The following CBARP variants were observed in gnomAD, a reference collection of about 807,000 sequenced individuals.
CBARP encodes voltage-dependent calcium channel beta subunit-associated regulatory protein.
CBARP carries 24 observed loss-of-function variants against 36.3 expected under a neutral mutation model. That is an observed-to-expected ratio of 0.66 (90% CI 0.48 to 0.93). The LOEUF is 0.93. CBARP is among the 40% of genes least tolerant of loss of function. The pLI is 0.00. For synonymous variants in CBARP, 586 were observed against 453.2 expected (o/e 1.29, Z -3.72); for missense variants, 1,146 against 980.4 (o/e 1.17, Z -2.26).
At position 1,235,349 on chromosome 19, in the gene CBARP, G is replaced by A. The variant is rs1398593457; in HGVS notation, c.310+152C>T. The A allele has an allele frequency of 1.2e-5, 13 of 1,090,778 alleles. No individual in the cohort carries two copies. The Admixed American group carries it at 1.9e-4, about 16-fold the overall frequency. 67.6% of individuals were successfully genotyped at this position (1,090,778 alleles called of 1,614,324 possible). On this transcript the variant is annotated intron_variant, in intron 4 of 9. Transcript: ENST00000650044. The stretch of plus-strand genomic sequence containing the variant: ...CGCCTGGGCCCACCTACGCCTGGGC[G>A]TTAAGGAAACAGAGATGAGTCGGAA...
At position 1,235,810 on chromosome 19, in the gene CBARP, G is replaced by A. The variant is rs1431578925; in HGVS notation, c.214C>T (p.Arg72Cys). 2.5e-6 allele frequency: 4 copies of A among 1,609,596 alleles called. No individual in the cohort carries two copies. Among genetic ancestry groups the A allele is most frequent in the Admixed American group, 3.3e-5 (2 of 60,016 alleles). ...VLSGVLLLCK[R>C]CWDVHQRLNR... ...AGGCGCTGGTGGACGTCCCAGCAGC[G>A]CTTGCAGAGGAGCAGGACGCCAGAC... Residue 72 changes from arginine to cysteine, a missense_variant, in exon 3 of 10, where the codon CGC becomes TGC. Transcript: ENST00000650044.
In CBARP at chr19:1,231,150, A is replaced by G. The variant is rs1405591308; in HGVS notation, c.1105T>C (p.Phe369Leu). The G allele has an allele frequency of 3.7e-6, 6 of 1,600,748 alleles. No individual in the cohort carries two copies. The highest frequency in any genetic ancestry group is 4.3e-6 in the Non-Finnish European group (5 of 1,174,358). ...GCCAGAAAGGGGCGGGGGTGCGGGA[A>G]GGCCACGGCGTCGCCCGCCCGGGCA... ...YIARAGDAVA[F>L]PHPRPFLASP... The change falls in exon 9 of 10, where the codon TTC (phenylalanine) becomes CTC (leucine). Residue 369 changes from phenylalanine to leucine, a missense_variant. By Grantham distance (22) the Phe-to-Leu change is conservative. Transcript: ENST00000650044.
rs1262221736 is a variant in CBARP, at chr19:1,233,540, G to A, written c.865C>T (p.Gln289Ter). Residue 289 changes from glutamine to a stop codon, truncating the protein, a stop_gained, in exon 8 of 10, where the codon CAG becomes TAG. Coordinates refer to ENST00000650044, the MANE Select transcript of CBARP (RefSeq NM_001393918.1). LOFTEE classifies it high-confidence loss of function. ...GPGSGAGTVL[Q>*]FLTRLRRHAS... The stretch of plus-strand genomic sequence containing the variant: ...TGGCGGCGCAGGCGGGTGAGGAACT[G>A]CAGAACGGTACCTGCCCCGGATCCC... 6.2e-7 allele frequency: 1 copy of A among 1,603,984 alleles called. No homozygotes were observed. The highest frequency in any genetic ancestry group is 8.5e-7 in the Non-Finnish European group (1 of 1,175,872).
In CBARP at chr19:1,230,184, C is replaced by T. The variant is rs993650435; in HGVS notation, c.1155-42G>A. The T allele has an allele frequency of 1.3e-5, 13 of 996,468 alleles. No individual in the cohort carries two copies. In the African/African-American group the frequency reaches 1.9e-4, roughly 15 times the overall value. The allele number at this position is 996,468 out of a possible 1,614,324, so 61.7% of individuals were successfully genotyped here. A position where few individuals can be genotyped will look rare whatever the true frequency, so the allele number is the denominator to read the frequency against. ...GCCGTCAGAGCCCCGCCGAGCCCCG[C>T]GCCCCCTACCCGGCCGGCCATCCCG... On this transcript the variant is annotated intron_variant, in intron 9 of 9. Coordinates refer to ENST00000650044, the MANE Select transcript of CBARP (RefSeq NM_001393918.1).
intron 1 of CBARP, among the ~76,000 whole-genome samples, chr19:1,237,020 G>T (rs140823014): frequency 1.2e-3 from 182 of 152,258 alleles, no homozygotes; most frequent in African/African-American, 3.7e-3. Context: ...GACGCTGTGC[G>T]GCGCAGCCGG....
chr19:1,234,952 C>A, intron 5 of CBARP, 49 bp downstream of exon 5: 1 of 1,570,992 alleles, frequency 6.4e-7, no homozygotes, highest in South Asian at 1.1e-5. Context: ...TCCCGGCGGC[C>A]AGGACCTCAG....
Position 1,229,969 on chromosome 19 carries a change from G to T in CBARP, c.1328C>A (p.Ser443Ter). The T allele has an allele frequency of 8.2e-7, 1 of 1,214,730 alleles. No individual in the cohort carries two copies. Among genetic ancestry groups the T allele is most frequent in the Non-Finnish European group, 1.0e-6 (1 of 953,890 alleles). 75.2% of individuals were successfully genotyped at this position (1,214,730 alleles called of 1,614,324 possible). ...CGAGGCGGCCGCATGCAGCTCAAGCGAGGCGCGCAGGCTCCACAGGTCGCG... is the reference window on the plus strand; with the variant it reads ...CGAGGCGGCCGCATGCAGCTCAAGCTAGGCGCGCAGGCTCCACAGGTCGCG... ...SYRDLWSLRA[S>*]LELHAAASDH... The change falls in exon 10 of 10, where the codon TCG becomes TAG. Residue 443 changes from serine (S) to a stop codon, truncating the protein, a stop_gained. Transcript: ENST00000650044. LOFTEE classifies it low-confidence loss of function (END_TRUNC). The surrounding 1 kb of genome is among the most constrained non-coding windows in gnomAD (Gnocchi z 5.1).
Position 1,233,609 on chromosome 19 carries a change from C to A in CBARP, c.796G>T (p.Ala266Ser). ...SLDAGTRSTKAGGPGAAAGPG... is the reference protein window; with the variant it reads ...SLDAGTRSTKSGGPGAAAGPG... ...CCTGCTGCAGCCCCGGGCCCTCCAG[C>A]CTTGGTGCTCCTGGTACCGGCATCC... The change falls in exon 8 of 10, where the codon GCT (alanine) becomes TCT (serine). Residue 266 changes from alanine (A) to serine (S), a missense_variant. Transcript: ENST00000650044. The A allele has an allele frequency of 6.2e-7, 1 of 1,609,704 alleles. No individual in the cohort carries two copies. Among genetic ancestry groups the A allele is most frequent in the Non-Finnish European group, 8.5e-7 (1 of 1,178,736 alleles).
chr19:1,232,673 G>C lies in CBARP; in HGVS notation c.979+753C>G, dbSNP rs1418905781. ...AGAATTGAAGGGCTACTGTCAAACA[G>C]TCCAGGGATCTATGTGCTACAGCCC... On this transcript the variant is annotated intron_variant, in intron 8 of 9. Coordinates refer to ENST00000650044, the MANE Select transcript of CBARP (RefSeq NM_001393918.1). Among the ~76,000 whole-genome samples, 3 of 152,372 alleles carry C rather than the reference G, an allele frequency of 2.0e-5. No individual in the cohort carries two copies. The East Asian group carries it at 5.8e-4, about 29-fold the overall frequency.
At position 1,233,582 on chromosome 19, in the gene CBARP, G is replaced by C; in HGVS notation, c.823C>G (p.Pro275Ala). Reference protein sequence around the residue: ...KAGGPGAAAGPGEAGPGSGAG... With the variant: ...KAGGPGAAAGAGEAGPGSGAG... ...CCGGATCCCGGGCCCGCCTCCCCAG[G>C]CCCTGCTGCAGCCCCGGGCCCTCCA... Residue 275 changes from proline to alanine, a missense_variant, in exon 8 of 10, where the codon CCT becomes GCT. Transcript: ENST00000650044. The C allele has an allele frequency of 1.9e-6, 3 of 1,610,918 alleles. No homozygotes were observed. The highest frequency in any genetic ancestry group is 1.7e-6 in the Non-Finnish European group (2 of 1,179,274).
rs1413322177 is a variant in CBARP, at chr19:1,230,318, A to G, written c.1155-176T>C. 4 of 988,590 alleles carry G rather than the reference A, an allele frequency of 4.0e-6. No individual in the cohort carries two copies. The African/African-American group carries it at 7.0e-5, about 17-fold the overall frequency. The allele number at this position is 988,590 out of a possible 1,614,324, so 61.2% of individuals were successfully genotyped here. Reference sequence around the variant, plus strand: ...GTGTTTTGCAGGGGATGCGTCTTGCATTGACCCTGAGCTGTGGCGCCTGCT... The same window carrying G: ...GTGTTTTGCAGGGGATGCGTCTTGCGTTGACCCTGAGCTGTGGCGCCTGCT... On this transcript the variant is annotated intron_variant, in intron 9 of 9. Transcript: ENST00000650044.
At chr19:1,232,634 G>C (rs529281078) in intron 8 of CBARP, among the ~76,000 whole-genome samples, 46 of 152,330 alleles carry the variant, frequency 3.0e-4, no homozygotes, top group Non-Finnish European at 6.0e-4. Flanking sequence ...GATCCTGCCT[G>C]ACCCAAGGCC....
intron 9 of CBARP, 199 bp downstream of exon 9, chr19:1,230,900 GTC>G: frequency 6.4e-7 from 1 of 1,564,218 alleles, no homozygotes; most frequent in Non-Finnish European, 8.7e-7. Flanking sequence ...CCCTTACCCA[GTC>G]TCTCCCTGCT....
chr19:1,231,287 A>T lies in CBARP; in HGVS notation c.980-12T>A. 6.3e-7 allele frequency: 1 copy of T among 1,597,146 alleles called. No individual in the cohort carries two copies. Among genetic ancestry groups the T allele is most frequent in the East Asian group, 2.2e-5 (1 of 44,778 alleles). On this transcript the variant is annotated splice_polypyrimidine_tract_variant and intron_variant, in intron 8 of 9. Transcript: ENST00000650044. ...CCGCTTGGGGGAACCTGCGCACGGG[A>T]TGTGCCGTAAGCGTCAGCCGGCATG...
At chr19:1,234,167 T>TG in intron 7 of CBARP, 24 bp downstream of exon 7, 1 of 1,491,334 alleles carries the variant, frequency 6.7e-7, no homozygotes, top group Non-Finnish European at 8.9e-7. Flanking sequence ...GTGGACACCA[T>TG]GGGGGACACG....
At position 1,233,620 on chromosome 19, in the gene CBARP, C is replaced by T. The variant is rs1326627076; in HGVS notation, c.785G>A (p.Arg262Lys). ...GEGTSLDAGT[R>K]STKAGGPGAA... ...CCCGGGCCCTCCAGCCTTGGTGCTC[C>T]TGGTACCGGCATCCAACTGGCAGGG... The change falls in exon 8 of 10, where the codon AGG becomes AAG. Residue 262 changes from arginine (R) to lysine (K), a missense_variant. Arg to Lys is a conservative substitution (Grantham distance 26). Transcript: ENST00000650044. 1 of 1,608,754 alleles carries T rather than the reference C, an allele frequency of 6.2e-7. No individual in the cohort carries two copies. Among genetic ancestry groups the T allele is most frequent in the African/African-American group, 1.3e-5 (1 of 74,874 alleles).
chr19:1,231,411 C>T lies in CBARP; in HGVS notation c.980-136G>A, dbSNP rs570549554. 2.2e-5 allele frequency: 29 copies of T among 1,320,656 alleles called. No individual in the cohort carries two copies. In the African/African-American group the frequency reaches 4.6e-4, roughly 21 times the overall value. The allele number at this position is 1,320,656 out of a possible 1,614,324, so 81.8% of individuals were successfully genotyped here. On this transcript the variant is annotated intron_variant, in intron 8 of 9. Coordinates refer to ENST00000650044, the MANE Select transcript of CBARP (RefSeq NM_001393918.1). Reference sequence around the variant, plus strand: ...CCGCCACACACAACGCCTGTGGACCCCCACCACACACACACAACGTGTGCC... The same window carrying T: ...CCGCCACACACAACGCCTGTGGACCTCCACCACACACACACAACGTGTGCC...
Position 1,229,332 on chromosome 19 carries a change from C to A in CBARP, c.1965G>T (p.Ser655=). The change falls in exon 10 of 10, where the codon TCG becomes TCT. Residue 655 remains serine (S), a synonymous_variant. Transcript: ENST00000650044. The surrounding 1 kb of genome is among the most constrained non-coding windows in gnomAD (Gnocchi z 5.1). ...EEPGGGGCPG[S]GLCVLPSGSV... is the part of the protein sequence containing the mutation. ...ACCCGGATGGTAGGACGCACAGGCC[C>A]GAGCCGGGGCACCCCCCGCCGCCCG... 4 of 1,221,656 alleles carry A rather than the reference C, an allele frequency of 3.3e-6. No individual in the cohort carries two copies. The highest frequency in any genetic ancestry group is 1.8e-4 in the East Asian group (2 of 11,104). 75.7% of individuals were successfully genotyped at this position (1,221,656 alleles called of 1,614,324 possible). A position where few individuals can be genotyped will look rare whatever the true frequency, so the allele number is the denominator to read the frequency against.
Position 1,230,741 on chromosome 19 carries a change from G to C in CBARP, c.1154+360C>G, listed in dbSNP as rs2080878747. 6.1e-6 allele frequency: 8 copies of C among 1,307,680 alleles called. No individual in the cohort carries two copies. In the South Asian group the frequency reaches 1.9e-4, roughly 31 times the overall value. The allele number at this position is 1,307,680 out of a possible 1,614,324, so 81.0% of individuals were successfully genotyped here. ...GGAGTGGTCACAGCAGCTTCTGAGA[G>C]GAGTCTGCCCAGCCTTGGGAGCATG... is the stretch of plus-strand genomic sequence containing the variant. On this transcript the variant is annotated intron_variant, in intron 9 of 9. Coordinates refer to ENST00000650044, the MANE Select transcript of CBARP (RefSeq NM_001393918.1).
Sources: gnomAD v4.1 joint callset for allele counts (sites outside exome capture counted in the v4.1 genomes callset) on GRCh38, gnomAD v4.1.1 for gene constraint, Gnocchi (gnomAD v3.1) non-coding constraint, MANE v1.5 for transcripts, NCBI Gene and HGNC (gene_info 2026-07-23, HGNC 2026-07-21) for gene names.